The following CCDC124 variants were observed in gnomAD, a reference collection of about 807,000 sequenced individuals.
The protein encoded by CCDC124 is coiled-coil domain-containing protein 124.
A neutral mutation model predicts 19.8 loss-of-function variants in CCDC124; 9 were observed. The ratio of observed to expected loss-of-function variants is 0.45; its 90% CI spans 0.27 to 0.79. The LOEUF (loss-of-function observed/expected upper bound fraction) is 0.79. Ranked by LOEUF, CCDC124 falls within the 30% of genes least tolerant of loss-of-function variation. The pLI is 0.14. For missense variants in CCDC124, 285 were observed against 319.0 expected (o/e 0.89, Z 0.81); for synonymous variants, 126 against 131.3 (o/e 0.96, Z 0.27).
chr19:17,941,354 T>A (rs139752056), intron 2 of CCDC124, among the ~76,000 whole-genome samples: 3,274 of 151,788 alleles, frequency 0.022, 118 homozygotes, highest in African/African-American at 0.076. Context: ...CTACTAAAAT[T>A]ACAAAAGATT....
chr19:17,938,075 C>G (rs947831565), intron 2 of CCDC124, among the ~76,000 whole-genome samples: 9 of 152,184 alleles, frequency 5.9e-5, no homozygotes, highest in African/African-American at 2.2e-4. Context: ...CGTGGTAGCT[C>G]ATGCCTGTAA....
rs1393411812 is a variant in CCDC124, at chr19:17,942,516, C to T, written c.160-140C>T. Reference sequence around the variant, plus strand: ...CCCCCGCCCAGGGCAGCACCGGGACCTATCTTGTTCCTGGTATGTCCCCTG... The same window carrying T: ...CCCCCGCCCAGGGCAGCACCGGGACTTATCTTGTTCCTGGTATGTCCCCTG... On this transcript the variant is annotated intron_variant, in intron 2 of 4. Coordinates refer to ENST00000445755, the MANE Select transcript of CCDC124 (RefSeq NM_001136203.2). This position sits in a 1 kb window ranked among gnomAD's most constrained non-coding sequence, Gnocchi z 4.2. 2 of 941,612 alleles carry T rather than the reference C, an allele frequency of 2.1e-6. No individual in the cohort carries two copies. The highest frequency in any genetic ancestry group is 3.2e-6 in the Non-Finnish European group (2 of 634,130). 58.3% of individuals were successfully genotyped at this position (941,612 alleles called of 1,614,324 possible).
rs1049053439 is a variant in CCDC124, at chr19:17,943,935, G to A, written c.*220G>A. 3.9e-5 allele frequency: 23 copies of A among 588,850 alleles called. No homozygotes were observed. The Admixed American group carries it at 6.9e-4, about 18-fold the overall frequency. The allele number at this position is 588,850 out of a possible 1,614,324, so 36.5% of individuals were successfully genotyped here. A position where few individuals can be genotyped will look rare whatever the true frequency, so the allele number is the denominator to read the frequency against. ...CCATCCCCCGGCGCGTGTGTGTAGA[G>A]CCTCAGGGCTGAGTGCCCAATAAAG... On this transcript the variant is annotated 3_prime_UTR_variant, in exon 5 of 5. Coordinates refer to ENST00000445755, the MANE Select transcript of CCDC124 (RefSeq NM_001136203.2).
chr19:17,936,112 C>A, intron 1 of CCDC124: 1 of 244,934 alleles, frequency 4.1e-6, no homozygotes. Context: ...GCCGTGTTGG[C>A]CAGGCTAGTC....
rs1327798298 is a variant in CCDC124 at position 17,942,400 on chromosome 19, C to G, written c.160-256C>G. Among the ~76,000 whole-genome samples, 1 of 152,190 alleles carries G rather than the reference C, an allele frequency of 6.6e-6. No homozygotes were observed. The highest frequency in any genetic ancestry group is 1.9e-4 in the East Asian group (1 of 5,194). ...AGGACGCTCCTGTTCCCCAGCTCTCCCCCTTGGCCGGCGCTCTTCGCACCT... is the reference window on the plus strand; with the variant it reads ...AGGACGCTCCTGTTCCCCAGCTCTCGCCCTTGGCCGGCGCTCTTCGCACCT... On this transcript the variant is annotated intron_variant, in intron 2 of 4. Transcript: ENST00000445755. The surrounding 1 kb of genome is among the most constrained non-coding windows in gnomAD (Gnocchi z 4.2).
intron 2 of CCDC124, among the ~76,000 whole-genome samples, chr19:17,937,827 G>A (rs2031098149): frequency 6.6e-6 from 1 of 152,104 alleles, no homozygotes; most frequent in Non-Finnish European, 1.5e-5. Flanking sequence ...TTTGCCTCCT[G>A]GGTTCAAGTG....
rs1000286032 is a variant in CCDC124 at position 17,939,107 on chromosome 19, G to A, written c.159+2528G>A. ...AAAAACAATGTCTGTCAAAGATGCA[G>A]TATCCATCCGGGTGCGGTGGCTCAC... On this transcript the variant is annotated intron_variant, in intron 2 of 4. Transcript: ENST00000445755. Among the ~76,000 whole-genome samples the A allele has an allele frequency of 1.1e-4, 17 of 151,990 alleles. No individual in the cohort carries two copies. The East Asian group carries it at 3.3e-3, about 29-fold the overall frequency.
At chr19:17,939,849 C>T (rs1315588803) in intron 2 of CCDC124, among the ~76,000 whole-genome samples, 1 of 151,480 alleles carries the variant, frequency 6.6e-6, no homozygotes, top group Admixed American at 6.6e-5. Context: ...TCTAAAACTC[C>T]TGGCCCCAAG....
chr19:17,943,242 C>CGGGGCG lies in CCDC124; in HGVS notation c.350-19_350-18insGGGGCG. The CGGGGCG allele has an allele frequency of 1.4e-6, 1 of 734,676 alleles. No homozygotes were observed. The highest frequency in any genetic ancestry group is 2.4e-6 in the Non-Finnish European group (1 of 419,644). The allele number at this position is 734,676 out of a possible 1,614,324, so 45.5% of individuals were successfully genotyped here. On this transcript the variant is annotated intron_variant, in intron 3 of 4. Transcript: ENST00000445755. ...TTTGCTTATCTCTCTCTGTCTCTGTCACCCACCCACCCGCCCAGCCGAGAA... is the reference window on the plus strand; with the variant it reads ...TTTGCTTATCTCTCTCTGTCTCTGTCGGGGCGACCCACCCACCCGCCCAGCCGAGAA...
intron 3 of CCDC124, 80 bp from the exon 4 acceptor site, chr19:17,943,181 G>C (rs2031225981): frequency 8.4e-7 from 1 of 1,184,428 alleles, no homozygotes; most frequent in Non-Finnish European, 1.2e-6. Context: ...AGCTTCTCTT[G>C]CCAGTCTCTA....
chr19:17,939,473 C>A (rs1467185924), intron 2 of CCDC124, among the ~76,000 whole-genome samples: 4 of 152,144 alleles, frequency 2.6e-5, no homozygotes, highest in Non-Finnish European at 4.4e-5. Context: ...GTGTCAAGAT[C>A]ATTGGCTTAA....
At position 17,943,658 on chromosome 19, in the gene CCDC124, C is replaced by G; in HGVS notation, c.615C>G (p.Leu205=). The change falls in exon 5 of 5, where the codon CTC becomes CTG. Residue 205 remains leucine, a synonymous_variant. Coordinates refer to ENST00000445755, the MANE Select transcript of CCDC124 (RefSeq NM_001136203.2). Reference sequence around the variant, plus strand: ...AACAGCTGCTCAAGAAGGAGTGGCTCCGCTCTCCTGACAACCCCATGAACC... The same window carrying G: ...AACAGCTGCTCAAGAAGGAGTGGCTGCGCTCTCCTGACAACCCCATGAACC... ...QLKQLLKKEW[L]RSPDNPMNQR... is the part of the protein sequence containing the mutation. 2 of 1,612,938 alleles carry G rather than the reference C, an allele frequency of 1.2e-6. No individual in the cohort carries two copies. The highest frequency in any genetic ancestry group is 8.5e-7 in the Non-Finnish European group (1 of 1,179,966).
Position 17,943,871 on chromosome 19 carries a change from G to A in CCDC124, c.*156G>A, listed in dbSNP as rs968299353. 3.7e-5 allele frequency: 26 copies of A among 699,834 alleles called. No homozygotes were observed. In the East Asian group the frequency reaches 3.8e-4, roughly 10 times the overall value. The allele number at this position is 699,834 out of a possible 1,614,324, so 43.4% of individuals were successfully genotyped here. A position where few individuals can be genotyped will look rare whatever the true frequency, so the allele number is the denominator to read the frequency against. ...CTTATCACCAGCCACCCGTCCTCCC[G>A]CCAGAGGGTCCCTGCCCCGAGTGAC... On this transcript the variant is annotated 3_prime_UTR_variant, in exon 5 of 5. Coordinates refer to ENST00000445755, the MANE Select transcript of CCDC124 (RefSeq NM_001136203.2).
Position 17,942,760 on chromosome 19 carries a change from G to A in CCDC124, c.264G>A (p.Arg88=). Residue 88 remains arginine (R), a synonymous_variant, in exon 3 of 5, where the codon CGG becomes CGA. Coordinates refer to ENST00000445755, the MANE Select transcript of CCDC124 (RefSeq NM_001136203.2). The surrounding 1 kb of genome is among the most constrained non-coding windows in gnomAD (Gnocchi z 4.2). ...AGCTCAAGGGCGGCAAGGCGCCGCG[G>A]GTGGCCACGTCCAGCAAGGTCACCC... ...DSKLKGGKAP[R]VATSSKVTRA... is the part of the protein sequence containing the mutation. The A allele has an allele frequency of 1.3e-6, 2 of 1,548,630 alleles. No homozygotes were observed. The highest frequency in any genetic ancestry group is 2.4e-5 in the East Asian group (1 of 40,946).
At position 17,935,354 on chromosome 19, in the gene CCDC124, A is replaced by G. The variant is rs1411744741; in HGVS notation, c.-11-1056A>G. Among the ~76,000 whole-genome samples, 3 of 151,996 alleles carry G rather than the reference A, an allele frequency of 2.0e-5. No individual in the cohort carries two copies. The South Asian group carries it at 6.2e-4, about 32-fold the overall frequency. On this transcript the variant is annotated intron_variant, in intron 1 of 4. Transcript: ENST00000445755. The stretch of plus-strand genomic sequence containing the variant: ...GATGTGGCCTCTTTTGGGGGGTGCA[A>G]GTGTTCTGGAACTAGACAGAGGTGG...
In CCDC124 at chr19:17,942,165, C is replaced by T. The variant is rs1277844228; in HGVS notation, c.160-491C>T. Among the ~76,000 whole-genome samples the T allele has an allele frequency of 6.6e-6, 1 of 152,160 alleles. No individual in the cohort carries two copies. Among genetic ancestry groups the T allele is most frequent in the Non-Finnish European group, 1.5e-5 (1 of 68,022 alleles). On this transcript the variant is annotated intron_variant, in intron 2 of 4. Transcript: ENST00000445755. This position sits in a 1 kb window ranked among gnomAD's most constrained non-coding sequence, Gnocchi z 4.2. ...TGCCCGACTCATAAGGGCAGAGCCC[C>T]TGCCCTAGCCTGAAACGGGTCCAGG...
intron 2 of CCDC124, among the ~76,000 whole-genome samples, chr19:17,938,398 T>G (rs776014072): frequency 6.6e-6 from 1 of 152,098 alleles, no homozygotes; most frequent in African/African-American, 2.4e-5. Flanking sequence ...TGGGTTGTGG[T>G]TTAGGGCTGA....
intron 2 of CCDC124, among the ~76,000 whole-genome samples, chr19:17,938,349 C>A (rs1217954050): frequency 6.6e-6 from 1 of 152,130 alleles, no homozygotes; most frequent in African/African-American, 2.4e-5. Flanking sequence ...CAAGATGAAT[C>A]AAAAAGCCCA....
rs560654691 is a variant in CCDC124 at position 17,934,762 on chromosome 19, G to A, written c.-11-1648G>A. On this transcript the variant is annotated intron_variant, in intron 1 of 4. Transcript: ENST00000445755. ...TTCGCCACTGCACTCCAGCCTGGGC[G>A]ACAGAGTGAGACCCTGTCTCCAAAA... Among the ~76,000 whole-genome samples the A allele has an allele frequency of 4.1e-4, 62 of 152,128 alleles. 1 individual carries two copies. The highest frequency in any genetic ancestry group is 1.2e-3 in the South Asian group (6 of 4,826).
Sources: gnomAD v4.1 joint callset for allele counts (sites outside exome capture counted in the v4.1 genomes callset) on GRCh38, gnomAD v4.1.1 for gene constraint, Gnocchi (gnomAD v3.1) non-coding constraint, MANE v1.5 for transcripts, NCBI Gene and HGNC (gene_info 2026-07-23, HGNC 2026-07-21) for gene names.